Variants in TSPAN18 observed in about 807,000 individuals in gnomAD.
TSPAN18 encodes the protein tetraspanin 18, also known as tetraspanin-18.
In TSPAN18, 14 loss-of-function variants were observed where a neutral mutation model predicts 27.3. That is an observed-to-expected ratio of 0.51 (90% confidence interval 0.34 to 0.80). The LOEUF (loss-of-function observed/expected upper bound fraction) is 0.80, where lower values mean the gene tolerates loss of function less well. Among genes scored for constraint, TSPAN18 ranks in the 30% least tolerant of loss-of-function variants. The probability of loss-of-function intolerance (pLI) is 0.01; values close to 1 mark genes in which losing one functional copy is unlikely to be tolerated. For synonymous variants in TSPAN18, 143 were observed against 136.5 expected (o/e 1.05, Z -0.33); for missense variants, 268 against 323.9 (o/e 0.83, Z 1.32).
chr11:44,755,659 CT>C (rs1855315393), intron 1 of TSPAN18, among the ~76,000 whole-genome samples: 1 of 152,036 alleles, frequency 6.6e-6, no homozygotes, highest in Non-Finnish European at 1.5e-5. Flanking sequence ...CCTGGCTTTG[CT>C]TTGGAGCCAT....
At chr11:44,769,717 TCATGTCTATGGGACATTCC>T (rs1855648142) in intron 2 of TSPAN18, among the ~76,000 whole-genome samples, 3 of 152,246 alleles carry the variant, frequency 2.0e-5, no homozygotes, top group Admixed American at 6.5e-5. Context: ...TTTTATCCTT[TCATGTCTATGGGACATTCC>T]CATGTCCATG....
intron 2 of TSPAN18, among the ~76,000 whole-genome samples, chr11:44,839,353 A>G (rs1171055509): frequency 6.6e-6 from 1 of 151,874 alleles, no homozygotes; most frequent in Non-Finnish European, 1.5e-5. Context: ...TTTCTCAGAC[A>G]CTCCTGGGAT....
At chr11:44,899,028 C>A in intron 3 of TSPAN18, among the ~76,000 whole-genome samples, 1 of 152,178 alleles carries the variant, frequency 6.6e-6, no homozygotes, top group East Asian at 1.9e-4. Context: ...GGCACATGAA[C>A]CTTCAGACCA....
chr11:44,777,248 A>G (rs1855833353), intron 2 of TSPAN18, among the ~76,000 whole-genome samples: 1 of 152,126 alleles, frequency 6.6e-6, no homozygotes, highest in African/African-American at 2.4e-5. Context: ...TTTCCATATC[A>G]AGGGATCCAT....
intron 1 of TSPAN18, among the ~76,000 whole-genome samples, chr11:44,752,711 G>A (rs892075136): frequency 3.3e-5 from 5 of 152,174 alleles, no homozygotes; most frequent in African/African-American, 1.2e-4. Context: ...GATTTAATGA[G>A]GAGGCCAGCA....
intron 2 of TSPAN18, among the ~76,000 whole-genome samples, chr11:44,788,203 C>G (rs1856104407): frequency 6.6e-6 from 1 of 152,202 alleles, no homozygotes; most frequent in Non-Finnish European, 1.5e-5. Context: ...CCCTCAGTCC[C>G]CAGATGGGCG....
chr11:44,753,253 C>T (rs1363974403), intron 1 of TSPAN18, among the ~76,000 whole-genome samples: 2 of 152,008 alleles, frequency 1.3e-5, no homozygotes, highest in Non-Finnish European at 2.9e-5. Flanking sequence ...CTCAACCTCC[C>T]GAGTAGCTGG....
chr11:44,729,202 GA>G (rs1159160202), intron 1 of TSPAN18, among the ~76,000 whole-genome samples: 1 of 152,232 alleles, frequency 6.6e-6, no homozygotes, highest in Non-Finnish European at 1.5e-5. Flanking sequence ...AAAGGGTGGA[GA>G]AGCCTGCTGT....
intron 2 of TSPAN18, among the ~76,000 whole-genome samples, chr11:44,813,797 G>A (rs1224203298): frequency 6.6e-6 from 1 of 152,206 alleles, no homozygotes; most frequent in Admixed American, 6.5e-5. Context: ...AGACCAGAGG[G>A]CAGACTATCA....
chr11:44,837,904 C>T (rs1857295380), intron 2 of TSPAN18, among the ~76,000 whole-genome samples: 1 of 152,196 alleles, frequency 6.6e-6, no homozygotes. Flanking sequence ...CTTTTACTTT[C>T]AGTGGGAAAC....
At chr11:44,928,867 T>C (rs1294688572) in intron 9 of TSPAN18, among the ~76,000 whole-genome samples, 1 of 152,044 alleles carries the variant, frequency 6.6e-6, no homozygotes, top group Non-Finnish European at 1.5e-5. Flanking sequence ...GTGCTTTGCC[T>C]AAGGACAACC....
chr11:44,789,388 CA>C (rs1565149795), intron 2 of TSPAN18, among the ~76,000 whole-genome samples: 1 of 152,050 alleles, frequency 6.6e-6, no homozygotes, highest in African/African-American at 2.4e-5. Flanking sequence ...TTCCTTCTGC[CA>C]AGAAAAAAGC....
At chr11:44,887,571 G>A (rs1361419146) in intron 3 of TSPAN18, among the ~76,000 whole-genome samples, 2 of 152,296 alleles carry the variant, frequency 1.3e-5, no homozygotes, top group South Asian at 2.1e-4. Flanking sequence ...GCATTTAGGA[G>A]GTAAAAGTAA....
chr11:44,760,932 A>T (rs1855439619), intron 1 of TSPAN18, among the ~76,000 whole-genome samples: 1 of 152,146 alleles, frequency 6.6e-6, no homozygotes, highest in African/African-American at 2.4e-5. Flanking sequence ...ATTATAATCC[A>T]TGGAGACTTC....
intron 2 of TSPAN18, among the ~76,000 whole-genome samples, chr11:44,822,582 A>T (rs1009756414): frequency 1.3e-5 from 2 of 151,840 alleles, no homozygotes; most frequent in Admixed American, 6.6e-5. Context: ...TCACATGACC[A>T]CATAGGTGCA....
chr11:44,834,185 C>A (rs112342546), intron 2 of TSPAN18, among the ~76,000 whole-genome samples: 1 of 151,670 alleles, frequency 6.6e-6, no homozygotes, highest in African/African-American at 2.4e-5. Context: ...GAGATGGAGG[C>A]GAGGTGGGGG....
At chr11:44,918,651 G>A (rs555313560) in intron 6 of TSPAN18, among the ~76,000 whole-genome samples, 35 of 152,244 alleles carry the variant, frequency 2.3e-4, no homozygotes, top group Admixed American at 1.8e-3. Context: ...CGGAGCAGAG[G>A]AGGAGGCCAC....
intron 8 of TSPAN18, among the ~76,000 whole-genome samples, chr11:44,923,225 T>C (rs1860211497): frequency 6.6e-6 from 1 of 151,976 alleles, no homozygotes; most frequent in African/African-American, 2.4e-5. Context: ...TGGGAAGCAT[T>C]GCGTGTGGGT....
chr11:44,872,461 A>G (rs1858221559), intron 3 of TSPAN18, among the ~76,000 whole-genome samples: 1 of 152,232 alleles, frequency 6.6e-6, no homozygotes, highest in African/African-American at 2.4e-5. Flanking sequence ...TAAAACATCA[A>G]GTGCAGTGCC....
Sources: allele counts gnomAD v4.1 joint callset (sites outside exome capture counted in the v4.1 genomes callset), GRCh38; gene constraint gnomAD v4.1.1; transcripts MANE v1.5; gene names NCBI Gene and HGNC (gene_info 2026-07-23, HGNC 2026-07-21).